Variants in DLGAP2 observed in about 807,000 individuals in gnomAD.
The protein encoded by DLGAP2 is disks large-associated protein 2.
Under a neutral mutation model 100.3 loss-of-function variants are expected in DLGAP2, and 26 were observed. The observed-to-expected ratio is 0.26, with a 90% CI of 0.19 to 0.36. DLGAP2 has a LOEUF of 0.36. Ranked by LOEUF, DLGAP2 falls within the 10% of genes least tolerant of loss-of-function variation. The probability of loss-of-function intolerance (pLI) is 1.00; values close to 1 mark genes in which losing one functional copy is unlikely to be tolerated. For missense variants in DLGAP2, 1,858 were observed against 1,453.2 expected (o/e 1.28, Z -4.53); for synonymous variants, 886 against 630.1 (o/e 1.41, Z -6.08).
intron 8 of DLGAP2, among the ~76,000 whole-genome samples, chr8:1,665,931 G>A (rs187737902): frequency 3.9e-5 from 6 of 152,354 alleles, no homozygotes; most frequent in Admixed American, 1.3e-4. Context: ...CTCTGACCAT[G>A]TGTCCATGTC....
chr8:885,648 T>G (rs1180772116), intron 1 of DLGAP2, among the ~76,000 whole-genome samples: 2 of 152,332 alleles, frequency 1.3e-5, no homozygotes, highest in East Asian at 3.9e-4. Context: ...GGACAGAACT[T>G]CTAATACTAT....
chr8:1,407,920 G>A lies in DLGAP2; in HGVS notation c.107-93446G>A, dbSNP rs186120348. 4.1e-4 allele frequency among the ~76,000 whole-genome samples: 62 copies of A among 152,126 alleles called. 1 individual carries two copies. Among genetic ancestry groups the A allele is most frequent in the African/African-American group, 1.3e-3 (55 of 41,470 alleles). ...ATGTATTGAGTGCTGACTGAGTACCGCAGGGTCCACCTCAGGGCTTCCAGC... is the reference window on the plus strand; with the variant it reads ...ATGTATTGAGTGCTGACTGAGTACCACAGGGTCCACCTCAGGGCTTCCAGC... On this transcript the variant is annotated intron_variant, in intron 3 of 14. Coordinates refer to ENST00000637795, the MANE Select transcript of DLGAP2 (RefSeq NM_001346810.2).
chr8:859,533 G>C (rs1242867544), intron 1 of DLGAP2, among the ~76,000 whole-genome samples: 2 of 152,156 alleles, frequency 1.3e-5, no homozygotes, highest in African/African-American at 4.8e-5. Context: ...CTGTGGCTTA[G>C]TTTATTTCTA....
intron 4 of DLGAP2, among the ~76,000 whole-genome samples, chr8:1,535,526 C>A (rs1801128231): frequency 6.6e-6 from 1 of 152,142 alleles, no homozygotes; most frequent in African/African-American, 2.4e-5. Flanking sequence ...CGTGTTCAAG[C>A]GGTCAGATGG....
chr8:1,307,966 A>T (rs554941025), intron 3 of DLGAP2, among the ~76,000 whole-genome samples: 1 of 152,210 alleles, frequency 6.6e-6, no homozygotes, highest in African/African-American at 2.4e-5. Flanking sequence ...AATGTCCTTA[A>T]CACACCACAG....
chr8:997,280 T>A (rs933058561), intron 2 of DLGAP2, among the ~76,000 whole-genome samples: 17 of 152,352 alleles, frequency 1.1e-4, no homozygotes, highest in Admixed American at 9.1e-4. Context: ...ATATTGAAAT[T>A]AATTCATGAA....
intron 3 of DLGAP2, among the ~76,000 whole-genome samples, chr8:1,342,579 A>C (rs2117084297): frequency 6.6e-6 from 1 of 152,284 alleles, no homozygotes; most frequent in Admixed American, 6.5e-5. Context: ...TCGATTCCTG[A>C]CAGGTACAAG....
intron 3 of DLGAP2, among the ~76,000 whole-genome samples, chr8:1,346,723 T>C (rs13258339): frequency 1.5e-3 from 150 of 100,598 alleles, no homozygotes; most frequent in Middle Eastern, 9.8e-3. Flanking sequence ...GGTTGAGTTC[T>C]CATACAGAGC....
chr8:1,484,078 C>A (rs553172560), intron 3 of DLGAP2, among the ~76,000 whole-genome samples: 2 of 152,228 alleles, frequency 1.3e-5, no homozygotes, highest in Admixed American at 6.5e-5. Context: ...GGAAGAAAGA[C>A]AAAGCCGGCT....
At chr8:1,176,042 A>G (rs1797246838) in intron 2 of DLGAP2, among the ~76,000 whole-genome samples, 1 of 152,216 alleles carries the variant, frequency 6.6e-6, no homozygotes, top group Non-Finnish European at 1.5e-5. Context: ...GGATAAGCCC[A>G]TTCATACACT....
rs1212880921 is a variant in DLGAP2, at chr8:741,037, A to T, written c.18+3212A>T. Among the ~76,000 whole-genome samples, 3 of 152,238 alleles carry T rather than the reference A, an allele frequency of 2.0e-5. No homozygotes were observed. In the East Asian group the frequency reaches 5.8e-4, roughly 29 times the overall value. Reference sequence around the variant, plus strand: ...CACACTTTCTATGCAGTTAAAAATTATTCTTAATCAACCGTAGTTTTACCA... The same window carrying T: ...CACACTTTCTATGCAGTTAAAAATTTTTCTTAATCAACCGTAGTTTTACCA... On this transcript the variant is annotated intron_variant, in intron 1 of 14. Coordinates refer to ENST00000637795, the MANE Select transcript of DLGAP2 (RefSeq NM_001346810.2).
chr8:1,157,512 T>G (rs1260991696), intron 2 of DLGAP2, among the ~76,000 whole-genome samples: 1 of 152,158 alleles, frequency 6.6e-6, no homozygotes, highest in Non-Finnish European at 1.5e-5. Context: ...CATCTTAGAT[T>G]TAGACTAAAT....
intron 1 of DLGAP2, among the ~76,000 whole-genome samples, chr8:801,363 G>A (rs1333852782): frequency 6.6e-6 from 1 of 152,124 alleles, no homozygotes; most frequent in Admixed American, 6.6e-5. Flanking sequence ...AATCTCCTTT[G>A]TAAAGAGAAA....
intron 2 of DLGAP2, among the ~76,000 whole-genome samples, chr8:1,209,552 C>G (rs536705736): frequency 2.0e-5 from 3 of 152,144 alleles, no homozygotes; most frequent in Non-Finnish European, 4.4e-5. Flanking sequence ...TTCTATACTA[C>G]TCTAATAAAT....
intron 2 of DLGAP2, among the ~76,000 whole-genome samples, chr8:1,207,220 A>C (rs982817632): frequency 1.3e-5 from 2 of 152,096 alleles, no homozygotes; most frequent in Admixed American, 1.3e-4. Context: ...GTAGTCTTTT[A>C]TCCTCCACCC....
intron 8 of DLGAP2, among the ~76,000 whole-genome samples, chr8:1,638,332 G>C (rs1181047108): frequency 6.6e-6 from 1 of 152,094 alleles, no homozygotes; most frequent in African/African-American, 2.4e-5. Context: ...GAGGAGATGA[G>C]GACACAGACA....
rs527558610 is a variant in DLGAP2, at chr8:1,318,970, G to A, written c.106+60087G>A. Reference sequence around the variant, plus strand: ...TTTCCTCACCTGTGAGATGGGAATCGACATAGTCTCTGTTTTATGGGGCTT... The same window carrying A: ...TTTCCTCACCTGTGAGATGGGAATCAACATAGTCTCTGTTTTATGGGGCTT... On this transcript the variant is annotated intron_variant, in intron 3 of 14. Coordinates refer to ENST00000637795, the MANE Select transcript of DLGAP2 (RefSeq NM_001346810.2). Among the ~76,000 whole-genome samples, 46 of 152,254 alleles carry A rather than the reference G, an allele frequency of 3.0e-4. No individual in the cohort carries two copies. The South Asian group carries it at 5.4e-3, about 18-fold the overall frequency.
At chr8:798,859 C>G (rs1339433436) in intron 1 of DLGAP2, among the ~76,000 whole-genome samples, 1 of 150,812 alleles carries the variant, frequency 6.6e-6, no homozygotes, top group Non-Finnish European at 1.5e-5. Flanking sequence ...TGAGTCAGGA[C>G]CTGCAGCCCC....
chr8:983,200 GA>G (rs1435989702), intron 2 of DLGAP2, among the ~76,000 whole-genome samples: 1 of 152,164 alleles, frequency 6.6e-6, no homozygotes, highest in East Asian at 1.9e-4. Flanking sequence ...TATGCCCTTA[GA>G]ATCCACGTGT....
Sources: allele counts gnomAD v4.1 joint callset (sites outside exome capture counted in the v4.1 genomes callset), GRCh38; gene constraint gnomAD v4.1.1; transcripts MANE v1.5; gene names NCBI Gene and HGNC (gene_info 2026-07-23, HGNC 2026-07-21).